CCBE1: variants seen among roughly 807,000 people sequenced by gnomAD.
CCBE1 encodes collagen and calcium-binding EGF domain-containing protein 1.
In CCBE1, 37 loss-of-function variants were observed where a neutral mutation model predicts 50.0. That is an observed-to-expected ratio of 0.74 (90% CI 0.57 to 0.97). The LOEUF is 0.97. Among genes scored for constraint, CCBE1 ranks in the 50% least tolerant of loss-of-function variants. The probability of loss-of-function intolerance (pLI) is 0.00; values close to 1 mark genes in which losing one functional copy is unlikely to be tolerated. For missense variants in CCBE1, 538 were observed against 523.8 expected (o/e 1.03, Z -0.26); for synonymous variants, 234 against 203.7 (o/e 1.15, Z -1.27).
chr18:59,538,003 A>G (rs150508072), intron 2 of CCBE1, among the ~76,000 whole-genome samples: 15 of 152,314 alleles, frequency 9.8e-5, no homozygotes, highest in African/African-American at 3.6e-4. Flanking sequence ...TGAAAAATCT[A>G]TTTTTTGGAA....
chr18:59,665,004 T>C (rs1294340797), intron 2 of CCBE1, among the ~76,000 whole-genome samples: 2 of 152,036 alleles, frequency 1.3e-5, no homozygotes, highest in African/African-American at 4.8e-5. Context: ...CTTGTGTAAG[T>C]CTGGTAGCAA....
At chr18:59,647,911 T>C (rs2054076239) in intron 2 of CCBE1, among the ~76,000 whole-genome samples, 2 of 152,218 alleles carry the variant, frequency 1.3e-5, no homozygotes, top group Admixed American at 1.3e-4. Flanking sequence ...GACAGTAAGT[T>C]ATCTACTAGA....
At chr18:59,637,281 C>T (rs547695684) in intron 2 of CCBE1, among the ~76,000 whole-genome samples, 2 of 152,260 alleles carry the variant, frequency 1.3e-5, no homozygotes, top group Admixed American at 1.3e-4. Flanking sequence ...ATTAGTCTCT[C>T]ACGTTTTAAT....
intron 2 of CCBE1, among the ~76,000 whole-genome samples, chr18:59,533,860 T>C (rs1915142176): frequency 6.6e-6 from 1 of 152,240 alleles, no homozygotes; most frequent in Non-Finnish European, 1.5e-5. Flanking sequence ...TATATATTCA[T>C]ATGTATACAA....
At chr18:59,470,140 A>G (rs1047454758) in intron 3 of CCBE1, among the ~76,000 whole-genome samples, 3 of 152,302 alleles carry the variant, frequency 2.0e-5, no homozygotes, top group African/African-American at 7.2e-5. Flanking sequence ...GGTAATTTAT[A>G]AAGGAAAGAG....
chr18:59,521,872 T>A (rs925998387), intron 2 of CCBE1, among the ~76,000 whole-genome samples: 4 of 152,188 alleles, frequency 2.6e-5, no homozygotes, highest in Admixed American at 2.0e-4. Context: ...TATACTTTGG[T>A]TGGGTAAGTT....
At position 59,646,997 on chromosome 18, in the gene CCBE1, G is replaced by A. The variant is rs553816561; in HGVS notation, c.212+49632C>T. On this transcript the variant is annotated intron_variant, in intron 2 of 10. Transcript: ENST00000439986. ...CCATGCAACAGGCTCTGATCTTTCC[G>A]TGGGCCTAAGGATGGGAACCTAAAT... Among the ~76,000 whole-genome samples the A allele has an allele frequency of 5.3e-5, 8 of 152,310 alleles. No homozygotes were observed. In the East Asian group the frequency reaches 5.8e-4, roughly 11 times the overall value.
chr18:59,688,157 T>C (rs1210334732), intron 2 of CCBE1: 2 of 152,092 alleles, frequency 1.3e-5, no homozygotes, highest in African/African-American at 4.8e-5. Flanking sequence ...ATGTAAAAAT[T>C]TTTCTACTAT....
chr18:59,691,620 G>C (rs1337946328), intron 2 of CCBE1, among the ~76,000 whole-genome samples: 2 of 152,180 alleles, frequency 1.3e-5, no homozygotes, highest in South Asian at 2.1e-4. Flanking sequence ...TGGCCAGGCT[G>C]GTCTCAAACT....
chr18:59,529,416 A>C (rs1005069537), intron 2 of CCBE1, among the ~76,000 whole-genome samples: 1 of 152,250 alleles, frequency 6.6e-6, no homozygotes, highest in Non-Finnish European at 1.5e-5. Context: ...TTGTAGTCTT[A>C]GGCAGTCTAC....
intron 2 of CCBE1, among the ~76,000 whole-genome samples, chr18:59,678,537 A>AATATAT (rs1555708025): frequency 6.6e-6 from 1 of 151,548 alleles, no homozygotes; most frequent in African/African-American, 2.4e-5. Context: ...TATTTAAAAA[A>AATATAT]TTATATGTAT....
At chr18:59,494,444 TACAG>T (rs1913252544) in intron 2 of CCBE1, among the ~76,000 whole-genome samples, 1 of 152,046 alleles carries the variant, frequency 6.6e-6, no homozygotes, top group Admixed American at 6.6e-5. Context: ...AATAAAAGAC[TACAG>T]ACAGAGTCGT....
intron 2 of CCBE1, among the ~76,000 whole-genome samples, chr18:59,625,979 T>G (rs1186462769): frequency 6.6e-6 from 1 of 152,178 alleles, no homozygotes; most frequent in Non-Finnish European, 1.5e-5. Flanking sequence ...ATAAATCTCT[T>G]TTACTATATT....
At chr18:59,695,885 A>G (rs904100106) in intron 2 of CCBE1, among the ~76,000 whole-genome samples, 1 of 152,206 alleles carries the variant, frequency 6.6e-6, no homozygotes, top group Non-Finnish European at 1.5e-5. Context: ...CAGTGAGAGC[A>G]CTGGAACAGA....
chr18:59,647,592 T>C (rs1036460156), intron 2 of CCBE1, among the ~76,000 whole-genome samples: 3 of 152,158 alleles, frequency 2.0e-5, no homozygotes, highest in African/African-American at 4.8e-5. Flanking sequence ...AAAAAGAATA[T>C]TCTGTCTAGT....
intron 2 of CCBE1, among the ~76,000 whole-genome samples, chr18:59,546,465 T>A (rs1176779738): frequency 6.6e-6 from 1 of 152,272 alleles, no homozygotes; most frequent in South Asian, 2.1e-4. Context: ...GGGGTTTTTA[T>A]CTTTGTGTAG....
intron 2 of CCBE1, among the ~76,000 whole-genome samples, chr18:59,690,319 G>C (rs1247605049): frequency 6.6e-6 from 1 of 152,142 alleles, no homozygotes; most frequent in Admixed American, 6.5e-5. Context: ...GGCAGAAGAG[G>C]AACTGCAGAT....
intron 2 of CCBE1, among the ~76,000 whole-genome samples, chr18:59,629,019 C>A (rs1320912648): frequency 6.6e-6 from 1 of 152,160 alleles, no homozygotes; most frequent in Non-Finnish European, 1.5e-5. Flanking sequence ...ATACCCTTTT[C>A]CCCTAGGATG....
intron 2 of CCBE1, among the ~76,000 whole-genome samples, chr18:59,516,742 T>C (rs1163429647): frequency 2.0e-5 from 3 of 152,180 alleles, no homozygotes; most frequent in African/African-American, 7.2e-5. Context: ...TTCAGACTCT[T>C]GGAAGGCAGA....
Sources: allele counts gnomAD v4.1 joint callset (sites outside exome capture counted in the v4.1 genomes callset), GRCh38; gene constraint gnomAD v4.1.1; transcripts MANE v1.5; gene names NCBI Gene and HGNC (gene_info 2026-07-23, HGNC 2026-07-21).